The following CAMK2G variants were observed in gnomAD, a reference collection of about 807,000 sequenced individuals.
CAMK2G encodes the protein calcium/calmodulin dependent protein kinase II gamma, also known as calcium/calmodulin-dependent protein kinase type II subunit gamma.
In CAMK2G, 23 loss-of-function variants were observed where a neutral mutation model predicts 88.7. The ratio of observed to expected loss-of-function variants is 0.26; its 90% CI spans 0.19 to 0.37. The LOEUF (loss-of-function observed/expected upper bound fraction) is 0.37, where lower values mean the gene tolerates loss of function less well. Among genes scored for constraint, CAMK2G ranks in the 10% least tolerant of loss-of-function variants. The pLI is 1.00. For synonymous variants in CAMK2G, 263 were observed against 294.8 expected (o/e 0.89, Z 1.11); for missense variants, 476 against 780.8 (o/e 0.61, Z 4.65).
At chr10:73,816,821 C>T (rs2085725813) in intron 21 of CAMK2G, 2 of 1,542,420 alleles carry the variant, frequency 1.3e-6, no homozygotes, top group South Asian at 1.2e-5. Context: ...GAATGAATGG[C>T]ACTTGGAGCT....
intron 2 of CAMK2G, among the ~76,000 whole-genome samples, chr10:73,870,627 C>G (rs1387257199): frequency 6.6e-6 from 1 of 152,176 alleles, no homozygotes. Flanking sequence ...AGACAGGAGG[C>G]AGGAAGACCC....
chr10:73,860,899 G>A lies in CAMK2G; in HGVS notation c.161-10C>T, dbSNP rs944346566. 28 of 1,610,808 alleles carry A rather than the reference G, an allele frequency of 1.7e-5. No homozygotes were observed. The Admixed American group carries it at 4.3e-4, about 25-fold the overall frequency. On this transcript the variant is annotated splice_polypyrimidine_tract_variant and intron_variant, in intron 2 of 22. Transcript: ENST00000423381. ...TCTAGTTTCTGGTGATCTAAAAGCA[G>A]AAGAGAAAAAACAAAAGCCATCAAC... is the stretch of plus-strand genomic sequence containing the variant.
chr10:73,832,544 A>G (rs1159319439), intron 14 of CAMK2G, among the ~76,000 whole-genome samples: 1 of 152,054 alleles, frequency 6.6e-6, no homozygotes, highest in Non-Finnish European at 1.5e-5. Context: ...TGACCTCGTG[A>G]TCTGTCTGCC....
chr10:73,819,176 C>T lies in CAMK2G; in HGVS notation c.1363+356G>A, dbSNP rs145802474. Among the ~76,000 whole-genome samples, 166 of 152,196 alleles carry T rather than the reference C, an allele frequency of 1.1e-3. 1 individual carries two copies. The highest frequency in any genetic ancestry group is 1.8e-3 in the Non-Finnish European group (124 of 68,012). Reference sequence around the variant, plus strand: ...TCCCCAACACAGTTCCTCGCTGTCACGATTTCCCCATCATCCCACTCCCAC... The same window carrying T: ...TCCCCAACACAGTTCCTCGCTGTCATGATTTCCCCATCATCCCACTCCCAC... On this transcript the variant is annotated intron_variant, in intron 19 of 22. Transcript: ENST00000423381.
chr10:73,818,703 G>A (rs1408651348), intron 19 of CAMK2G: 6 of 455,248 alleles, frequency 1.3e-5, no homozygotes, highest in Admixed American at 9.4e-5. Context: ...GGGAAGCAAG[G>A]AGTTCGATCG....
chr10:73,872,328 C>A (rs2095862835), intron 2 of CAMK2G, among the ~76,000 whole-genome samples: 1 of 51,014 alleles, frequency 2.0e-5, no homozygotes, highest in Non-Finnish European at 6.2e-5. Flanking sequence ...GCAGTTCCTG[C>A]CCAAACCGGG....
chr10:73,871,627 C>A (rs551868378), intron 2 of CAMK2G, among the ~76,000 whole-genome samples: 73 of 152,264 alleles, frequency 4.8e-4, no homozygotes, highest in Admixed American at 1.2e-3. Context: ...TTGTCCCCCC[C>A]ACCCCCACTC....
Position 73,842,351 on chromosome 10 carries a change from G to C in CAMK2G, c.903+107C>G. ...TCCCCTGTGACATGTACAACCTTCA[G>C]AGCCCAGCTCCAGCCAGGAGGGGAG... On this transcript the variant is annotated intron_variant, in intron 11 of 22. Transcript: ENST00000423381. This position sits in a 1 kb window ranked among gnomAD's most constrained non-coding sequence, Gnocchi z 4.6. 3 of 1,159,242 alleles carry C rather than the reference G, an allele frequency of 2.6e-6. No individual in the cohort carries two copies. The highest frequency in any genetic ancestry group is 3.9e-6 in the Non-Finnish European group (3 of 767,086). The allele number at this position is 1,159,242 out of a possible 1,614,324, so 71.8% of individuals were successfully genotyped here.
chr10:73,858,261 T>G (rs1017130116), intron 3 of CAMK2G, among the ~76,000 whole-genome samples: 1 of 152,258 alleles, frequency 6.6e-6, no homozygotes, highest in Admixed American at 6.5e-5. Context: ...TCTAGCTTCC[T>G]CGACTGTGCA....
chr10:73,845,504 C>A (rs1359287698), intron 10 of CAMK2G, among the ~76,000 whole-genome samples: 1 of 151,660 alleles, frequency 6.6e-6, no homozygotes, highest in African/African-American at 2.4e-5. Flanking sequence ...ATGGCATGAA[C>A]CCGGGAGGCA....
chr10:73,874,099 G>A (rs1449660154), intron 1 of CAMK2G, among the ~76,000 whole-genome samples: 1 of 149,968 alleles, frequency 6.7e-6, no homozygotes, highest in Non-Finnish European at 1.5e-5. Context: ...GGTCGGGAGG[G>A]GGGCGCCTGA....
chr10:73,842,518 C>G lies in CAMK2G; in HGVS notation c.843G>C (p.Met281Ile). 6.2e-7 allele frequency: 1 copy of G among 1,613,732 alleles called. No homozygotes were observed. The highest frequency in any genetic ancestry group is 8.5e-7 in the Non-Finnish European group (1 of 1,179,638). ...WVCQRSTVAS[M>I]MHRQETVECL... Reference sequence around the variant, plus strand: ...ACTCCACAGTCTCCTGACGATGCATCATGGATGCCACCGTGGATCGTTGCT... The same window carrying G: ...ACTCCACAGTCTCCTGACGATGCATGATGGATGCCACCGTGGATCGTTGCT... The change falls in exon 11 of 23, where the codon ATG becomes ATC. Residue 281 changes from methionine to isoleucine, a missense_variant. Around this residue, in one of 3 missense-constraint regions of CAMK2G, gnomAD observed 164 missense variants for 385.6 expected, o/e 0.43. Transcript: ENST00000423381. The surrounding 1 kb of genome is among the most constrained non-coding windows in gnomAD (Gnocchi z 4.6).
chr10:73,837,846 C>T (rs1014056979), intron 13 of CAMK2G, among the ~76,000 whole-genome samples: 2 of 152,140 alleles, frequency 1.3e-5, no homozygotes, highest in Admixed American at 6.5e-5. Flanking sequence ...AGCAGAGTGC[C>T]AGGGTGAAAG....
Position 73,819,592 on chromosome 10 carries a change from G to A in CAMK2G, c.1303C>T (p.Arg435Trp), listed in dbSNP as rs779184887. The change falls in exon 19 of 23, where the codon CGG becomes TGG. Residue 435 changes from arginine (R) to tryptophan (W), a missense_variant. Arg to Trp is a moderately radical substitution (Grantham distance 101). This residue lies in a region of CAMK2G where 278 missense variants were observed against 366.5 expected (regional missense o/e 0.76). Coordinates refer to ENST00000423381, the MANE Select transcript of CAMK2G (RefSeq NM_001367534.1). Reference sequence around the variant, plus strand: ...CCTGCAGAGGGGGCTGTTCTGTCCCGGGAGCTCCGTCCTTCAGGCACCGAG... The same window carrying A: ...CCTGCAGAGGGGGCTGTTCTGTCCCAGGAGCTCCGTCCTTCAGGCACCGAG... Reference protein sequence around the residue: ...GSSVPEGRSSRDRTAPSAGMQ... With the variant: ...GSSVPEGRSSWDRTAPSAGMQ... The A allele has an allele frequency of 2.2e-5, 34 of 1,548,230 alleles. No individual in the cohort carries two copies. The highest frequency in any genetic ancestry group is 4.1e-5 in the African/African-American group (3 of 73,002).
intron 10 of CAMK2G, among the ~76,000 whole-genome samples, chr10:73,843,335 G>A (rs1217699090): frequency 1.3e-5 from 2 of 152,144 alleles, no homozygotes; most frequent in Non-Finnish European, 2.9e-5. Context: ...CAGAGTCCTG[G>A]GATAACAGGT....
chr10:73,816,738 C>T (rs1316395322), intron 21 of CAMK2G: 10 of 1,363,102 alleles, frequency 7.3e-6, no homozygotes, highest in East Asian at 4.0e-5. Context: ...GGATTACAGG[C>T]GTAAGCCACC....
In CAMK2G at chr10:73,849,087, C is replaced by A; in HGVS notation, c.443G>T (p.Cys148Phe). The A allele has an allele frequency of 1.2e-6, 2 of 1,614,082 alleles. No individual in the cohort carries two copies. Among genetic ancestry groups the A allele is most frequent in the Non-Finnish European group, 1.7e-6 (2 of 1,180,000 alleles). ...AGCCAGCTTGACGGCGGCACCCTTG[C>A]ATTTACTCGCCAGCAGCAGGTTCTC... is the stretch of plus-strand genomic sequence containing the variant. ...KPENLLLASK[C>F]KGAAVKLADF... Residue 148 changes from cysteine (C) to phenylalanine (F), a missense_variant, in exon 7 of 23, where the codon TGC becomes TTC. By Grantham distance (205) the Cys-to-Phe change is radical. Around this residue, in one of 3 missense-constraint regions of CAMK2G, gnomAD observed 164 missense variants for 385.6 expected, o/e 0.43. Coordinates refer to ENST00000423381, the MANE Select transcript of CAMK2G (RefSeq NM_001367534.1).
At chr10:73,859,462 T>C (rs1312551999) in intron 3 of CAMK2G, among the ~76,000 whole-genome samples, 1 of 152,248 alleles carries the variant, frequency 6.6e-6, no homozygotes, top group Non-Finnish European at 1.5e-5. Context: ...AAGCAAAACA[T>C]GCCTAATCTG....
intron 4 of CAMK2G, 79 bp from the exon 5 acceptor site, chr10:73,852,398 C>G: frequency 4.3e-6 from 5 of 1,172,738 alleles, no homozygotes; most frequent in Non-Finnish European, 6.4e-6. Context: ...GAAACAGGGT[C>G]ACCCTGTAGA....
Sources: gnomAD v4.1 joint callset for allele counts (sites outside exome capture counted in the v4.1 genomes callset) on GRCh38, gnomAD v4.1.1 for gene constraint, gnomAD v4.1.1 regional missense constraint, Gnocchi (gnomAD v3.1) non-coding constraint, MANE v1.5 for transcripts, NCBI Gene and HGNC (gene_info 2026-07-23, HGNC 2026-07-21) for gene names.